The following IQGAP2 variants were observed in gnomAD, a reference collection of about 807,000 sequenced individuals.
IQGAP2 encodes ras GTPase-activating-like protein IQGAP2.
A neutral mutation model predicts 201.3 loss-of-function variants in IQGAP2; 173 were observed. The observed-to-expected ratio is 0.86, with a 90% confidence interval of 0.76 to 0.98. IQGAP2 has a LOEUF of 0.98. IQGAP2 is among the 50% of genes least tolerant of loss of function. The pLI is 0.00. For synonymous variants in IQGAP2, 675 were observed against 673.9 expected, an observed-to-expected ratio of 1.00 and a Z score of -0.03; for missense variants, 1,687 against 1,864.8, an observed-to-expected ratio of 0.90 and a Z score of 1.76.
intron 1 of IQGAP2, among the ~76,000 whole-genome samples, chr5:76,408,902 C>G (rs1750945120): frequency 6.6e-6 from 1 of 152,088 alleles, no homozygotes; most frequent in African/African-American, 2.4e-5. Flanking sequence ...AAGTGATTCT[C>G]CCATCTCAGC....
At chr5:76,582,380 A>G (rs113130448) in intron 5 of IQGAP2, among the ~76,000 whole-genome samples, 1 of 152,208 alleles carries the variant, frequency 6.6e-6, no homozygotes, top group South Asian at 2.1e-4. Context: ...AGTCTAAGTC[A>G]TTCATTTCAC....
intron 2 of IQGAP2, among the ~76,000 whole-genome samples, chr5:76,511,072 A>G (rs1315121526): frequency 6.6e-6 from 1 of 152,250 alleles, no homozygotes; most frequent in Non-Finnish European, 1.5e-5. Context: ...CCACATTCCC[A>G]GGAACAAGGA....
At position 76,674,138 on chromosome 5, in the gene IQGAP2, A is replaced by G. The variant is rs1465527683; in HGVS notation, c.3294+102A>G. On this transcript the variant is annotated intron_variant, in intron 26 of 35. Coordinates refer to ENST00000274364, the MANE Select transcript of IQGAP2 (RefSeq NM_006633.5). Reference sequence around the variant, plus strand: ...GATTATTCCCCATGTATGATTATTTATAATAAGCTGCAGGTCTTCTGTTTC... The same window carrying G: ...GATTATTCCCCATGTATGATTATTTGTAATAAGCTGCAGGTCTTCTGTTTC... The G allele has an allele frequency of 4.2e-6, 3 of 713,218 alleles. No individual in the cohort carries two copies. The East Asian group carries it at 7.6e-5, about 18-fold the overall frequency. 44.2% of individuals were successfully genotyped at this position (713,218 alleles called of 1,614,324 possible).
At chr5:76,584,567 AGCAGAACTATATG>A (rs3839248) in intron 5 of IQGAP2, among the ~76,000 whole-genome samples, 25,343 of 152,092 alleles carry the variant, frequency 0.17, 2,275 homozygotes, top group Admixed American at 0.28. Flanking sequence ...GCCTAGGACC[AGCAGAACTATATG>A]GCCCTTCCCT....
intron 2 of IQGAP2, among the ~76,000 whole-genome samples, chr5:76,503,174 C>CTTTTTTTTTTTTTTTTTTTTTTTCTT (rs11297908): frequency 1.8e-5 from 2 of 109,356 alleles, no homozygotes; most frequent in Non-Finnish European, 1.8e-5. Flanking sequence ...CTTTTCTTTT[C>CTTTTTTTTTTTTTTTTTTTTTTTCTT]TTTTTTTTTT....
chr5:76,403,484 G>A lies in IQGAP2; in HGVS notation c.-62G>A. ...CGCCGGCGGGGCGCAGAGCCCGCGA[G>A]CCTGGCCAGCGAGGGTAGCCGCGGG... On this transcript the variant is annotated 5_prime_UTR_variant, in exon 1 of 36. Coordinates refer to ENST00000274364, the MANE Select transcript of IQGAP2 (RefSeq NM_006633.5). This position sits in a 1 kb window ranked among gnomAD's most constrained non-coding sequence, Gnocchi z 4.8. The A allele has an allele frequency of 3.0e-6, 4 of 1,321,414 alleles. No homozygotes were observed. The highest frequency in any genetic ancestry group is 2.9e-6 in the Non-Finnish European group (3 of 1,022,470). 81.9% of individuals were successfully genotyped at this position (1,321,414 alleles called of 1,614,324 possible).
chr5:76,630,582 G>T (rs952177453), intron 14 of IQGAP2, among the ~76,000 whole-genome samples: 3 of 152,156 alleles, frequency 2.0e-5, no homozygotes, highest in Non-Finnish European at 4.4e-5. Flanking sequence ...TGTGCCTTTT[G>T]TAATATCTTT....
At chr5:76,682,763 A>G (rs142805136) in intron 28 of IQGAP2, among the ~76,000 whole-genome samples, 46 of 152,294 alleles carry the variant, frequency 3.0e-4, no homozygotes, top group Middle Eastern at 6.8e-3. Flanking sequence ...CCAGTTTGCT[A>G]CCAATGTTAA....
intron 12 of IQGAP2, among the ~76,000 whole-genome samples, chr5:76,609,801 G>C (rs1318154427): frequency 6.6e-6 from 1 of 150,642 alleles, no homozygotes; most frequent in Non-Finnish European, 1.5e-5. Flanking sequence ...GGAAGCAAAA[G>C]CTCCTTGGCA....
intron 21 of IQGAP2, among the ~76,000 whole-genome samples, chr5:76,659,620 C>T (rs780592155): frequency 1.3e-5 from 2 of 152,158 alleles, no homozygotes; most frequent in Non-Finnish European, 2.9e-5. Flanking sequence ...CAGATAATTA[C>T]AAACAGAATC....
intron 30 of IQGAP2, among the ~76,000 whole-genome samples, chr5:76,689,864 G>T (rs923331405): frequency 4.6e-4 from 70 of 152,222 alleles, no homozygotes; most frequent in African/African-American, 1.7e-3. Context: ...GACAGAGGGG[G>T]AGCTTCAGGA....
At position 76,707,779 on chromosome 5, in the gene IQGAP2, A is replaced by T. The variant is rs1413295384; in HGVS notation, c.*466A>T. Reference sequence around the variant, plus strand: ...TTCTAAGCCCTGTCTTCTGGGAGTTATCAATTTTAAAGAGAACTTTTGTGC... The same window carrying T: ...TTCTAAGCCCTGTCTTCTGGGAGTTTTCAATTTTAAAGAGAACTTTTGTGC... On this transcript the variant is annotated 3_prime_UTR_variant, in exon 36 of 36. Coordinates refer to ENST00000274364, the MANE Select transcript of IQGAP2 (RefSeq NM_006633.5). 3 of 152,858 alleles carry T rather than the reference A, an allele frequency of 2.0e-5. No homozygotes were observed. Among genetic ancestry groups the T allele is most frequent in the Admixed American group, 1.3e-4 (2 of 15,288 alleles). The allele number at this position is 152,858 out of a possible 1,614,324, so 9.5% of individuals were successfully genotyped here.
chr5:76,623,936 C>CTTTTTTTTTTTTTTTTTTTTTTTT (rs368076875), intron 13 of IQGAP2, among the ~76,000 whole-genome samples: 2 of 100,782 alleles, frequency 2.0e-5, no homozygotes, highest in Non-Finnish European at 3.8e-5. Context: ...TTTGTTCAGG[C>CTTTTTTTTTTTTTTTTTTTTTTTT]TTTTTTTTTT....
rs184063336 is a variant in IQGAP2 at position 76,521,246 on chromosome 5, C to T, written c.147-41150C>T. ...ATCTCCATCTTATTTAGTGTTGGAC[C>T]CAGGCCCTCAATGACAGAAGGTCCC... On this transcript the variant is annotated intron_variant, in intron 2 of 35. Coordinates refer to ENST00000274364, the MANE Select transcript of IQGAP2 (RefSeq NM_006633.5). Among the ~76,000 whole-genome samples, 473 of 152,172 alleles carry T rather than the reference C, an allele frequency of 3.1e-3. 1 individual carries two copies. Among genetic ancestry groups the T allele is most frequent in the African/African-American group, 0.011 (453 of 41,508 alleles).
At chr5:76,521,652 G>A (rs1329375547) in intron 2 of IQGAP2, among the ~76,000 whole-genome samples, 2 of 152,152 alleles carry the variant, frequency 1.3e-5, no homozygotes, top group Admixed American at 1.3e-4. Flanking sequence ...AGAGACCATC[G>A]TGTGCCTGTC....
intron 5 of IQGAP2, among the ~76,000 whole-genome samples, chr5:76,580,212 G>A (rs989349851): frequency 6.6e-6 from 1 of 151,528 alleles, no homozygotes; most frequent in African/African-American, 2.4e-5. Flanking sequence ...GGAGGCGGAG[G>A]TTGCAGTGAG....
At chr5:76,674,415 G>T in intron 26 of IQGAP2, 62 bp from the exon 27 acceptor site, 4 of 939,788 alleles carry the variant, frequency 4.3e-6, no homozygotes, top group South Asian at 1.6e-5. Flanking sequence ...AAAAAAAAAA[G>T]AAAACTAAAA....
chr5:76,700,067 A>C (rs547265478), intron 33 of IQGAP2, among the ~76,000 whole-genome samples: 2 of 152,172 alleles, frequency 1.3e-5, no homozygotes, highest in African/African-American at 4.8e-5. Flanking sequence ...CTATACACTA[A>C]ATATAGGAAG....
intron 2 of IQGAP2, among the ~76,000 whole-genome samples, chr5:76,518,794 G>A (rs745532651): frequency 6.6e-6 from 1 of 152,044 alleles, no homozygotes; most frequent in Non-Finnish European, 1.5e-5. Flanking sequence ...AAAAATTAAA[G>A]TTCTTTGGGA....
Sources: gnomAD v4.1 joint callset for allele counts (sites outside exome capture counted in the v4.1 genomes callset) on GRCh38, gnomAD v4.1.1 for gene constraint, Gnocchi (gnomAD v3.1) non-coding constraint, MANE v1.5 for transcripts, NCBI Gene and HGNC (gene_info 2026-07-23, HGNC 2026-07-21) for gene names.